The following KCNAB1 variants were observed in gnomAD, a reference collection of about 807,000 sequenced individuals.
KCNAB1 encodes potassium voltage-gated channel subfamily A regulatory beta subunit 1, also known as voltage-gated potassium channel subunit beta-1.
A neutral mutation model predicts 64.6 loss-of-function variants in KCNAB1; 35 were observed. The ratio of observed to expected loss-of-function variants is 0.54; its 90% confidence interval spans 0.41 to 0.72. The LOEUF (loss-of-function observed/expected upper bound fraction) is 0.72. KCNAB1 is among the 30% of genes least tolerant of loss of function. The pLI is 0.00. For missense variants in KCNAB1, 401 were observed against 512.9 expected (o/e 0.78, Z 2.11); for synonymous variants, 177 against 183.8 (o/e 0.96, Z 0.30).
At chr3:156,149,397 AG>A (rs947233536) in intron 1 of KCNAB1, among the ~76,000 whole-genome samples, 7 of 152,182 alleles carry the variant, frequency 4.6e-5, no homozygotes, top group African/African-American at 1.7e-4. Context: ...ATTGAAAAAA[AG>A]GGGAAGGAAA....
chr3:156,337,122 C>T (rs1723766525), intron 1 of KCNAB1, among the ~76,000 whole-genome samples: 1 of 152,212 alleles, frequency 6.6e-6, no homozygotes, highest in South Asian at 2.1e-4. Context: ...GATGTACAGA[C>T]ATTCAAATCA....
intron 11 of KCNAB1, among the ~76,000 whole-genome samples, chr3:156,521,563 T>C (rs1717941350): frequency 6.6e-6 from 1 of 152,186 alleles, no homozygotes; most frequent in African/African-American, 2.4e-5. Flanking sequence ...ATCATTGCAG[T>C]GCAGTGGGGT....
At chr3:156,150,481 A>G (rs1296954148) in intron 1 of KCNAB1, among the ~76,000 whole-genome samples, 2 of 152,170 alleles carry the variant, frequency 1.3e-5, no homozygotes, top group African/African-American at 2.4e-5. Flanking sequence ...GCTTGAGAAC[A>G]ATACTGGGTT....
intron 1 of KCNAB1, among the ~76,000 whole-genome samples, chr3:156,342,585 CTTTTTTTTTTTT>C (rs60982892): frequency 1.2e-5 from 1 of 86,254 alleles, no homozygotes; most frequent in Non-Finnish European, 2.5e-5. Flanking sequence ...CTATGTGTTT[CTTTTTTTTTTTT>C]TTTTTTTTTT....
chr3:156,534,299 A>G (rs543690893), intron 13 of KCNAB1, among the ~76,000 whole-genome samples: 1 of 152,280 alleles, frequency 6.6e-6, no homozygotes, highest in South Asian at 2.1e-4. Context: ...CGTGCCTAAG[A>G]TGTGCAGGAA....
chr3:156,347,855 G>A (rs371371206), intron 1 of KCNAB1, among the ~76,000 whole-genome samples: 27 of 152,302 alleles, frequency 1.8e-4, no homozygotes, highest in South Asian at 1.7e-3. Flanking sequence ...AATTCACACA[G>A]TATGGATCTG....
chr3:156,135,411 A>G (rs1714282773), intron 1 of KCNAB1, among the ~76,000 whole-genome samples: 1 of 152,198 alleles, frequency 6.6e-6, no homozygotes, highest in Admixed American at 6.5e-5. Flanking sequence ...GTCCTTGTCC[A>G]CTAAGCCCAT....
At chr3:156,456,314 A>G (rs1345788154) in intron 3 of KCNAB1, among the ~76,000 whole-genome samples, 2 of 152,228 alleles carry the variant, frequency 1.3e-5, no homozygotes, top group African/African-American at 4.8e-5. Context: ...ATATCCAATA[A>G]TATACCAGTA....
Position 156,374,629 on chromosome 3 carries a change from C to T in KCNAB1, c.276-46987C>T, listed in dbSNP as rs1038211327. ...GCCTTGGTGGTTGCATGGGTAGAAG[C>T]TTCACCTTTGCCCTTCCCACTAGCG... On this transcript the variant is annotated intron_variant, in intron 1 of 13. Transcript: ENST00000490337. 2.2e-5 allele frequency among the ~76,000 whole-genome samples: 3 copies of T among 135,348 alleles called. 1 individual carries two copies. The highest frequency in any genetic ancestry group is 1.0e-4 in the African/African-American group (3 of 30,150). The allele number at this position is 135,348 out of a possible 152,430, so 88.8% of individuals were successfully genotyped here.
At chr3:156,195,946 C>T (rs1252933811) in intron 1 of KCNAB1, among the ~76,000 whole-genome samples, 1 of 152,124 alleles carries the variant, frequency 6.6e-6, no homozygotes, top group Admixed American at 6.5e-5. Flanking sequence ...TTTAATCCAT[C>T]TGAAGTTAAT....
At chr3:156,131,597 A>T (rs1714000344) in intron 1 of KCNAB1, among the ~76,000 whole-genome samples, 1 of 152,188 alleles carries the variant, frequency 6.6e-6, no homozygotes, top group African/African-American at 2.4e-5. Flanking sequence ...CTGAAACCTT[A>T]ATACCTTGAA....
intron 8 of KCNAB1, among the ~76,000 whole-genome samples, chr3:156,499,669 A>G (rs1716249505): frequency 6.6e-6 from 1 of 152,180 alleles, no homozygotes; most frequent in African/African-American, 2.4e-5. Context: ...AGAGAAATTT[A>G]AAACTGGCTT....
chr3:156,201,517 C>A (rs886794671), intron 1 of KCNAB1, among the ~76,000 whole-genome samples: 1 of 152,202 alleles, frequency 6.6e-6, no homozygotes, highest in Admixed American at 6.5e-5. Flanking sequence ...GTAGCATAGT[C>A]AGGGTGAGTG....
intron 1 of KCNAB1, among the ~76,000 whole-genome samples, chr3:156,405,232 G>A (rs1181239783): frequency 6.6e-6 from 1 of 152,194 alleles, no homozygotes; most frequent in African/African-American, 2.4e-5. Flanking sequence ...GAGAAGTCAC[G>A]GTCCCATCTT....
chr3:156,121,870 T>C (rs1318638775), intron 1 of KCNAB1, among the ~76,000 whole-genome samples: 3 of 152,238 alleles, frequency 2.0e-5, no homozygotes, highest in Non-Finnish European at 4.4e-5. Context: ...TCTATATTTC[T>C]ATTTCCAAAA....
intron 1 of KCNAB1, among the ~76,000 whole-genome samples, chr3:156,185,973 CT>C: frequency 6.6e-6 from 1 of 152,176 alleles, no homozygotes; most frequent in Non-Finnish European, 1.5e-5. Flanking sequence ...CACTTCCTTC[CT>C]TTCCTTCCTT....
At chr3:156,373,577 A>G (rs1726469304) in intron 1 of KCNAB1, among the ~76,000 whole-genome samples, 4 of 152,262 alleles carry the variant, frequency 2.6e-5, no homozygotes, top group African/African-American at 9.6e-5. Flanking sequence ...TGTAAAATGT[A>G]AAATAGTTGT....
Position 156,508,613 on chromosome 3 carries a change from A to T in KCNAB1, c.659-5751A>T, listed in dbSNP as rs1327565880. On this transcript the variant is annotated intron_variant, in intron 8 of 13. Coordinates refer to ENST00000490337, the MANE Select transcript of KCNAB1 (RefSeq NM_172160.3). The surrounding 1 kb of genome is among the most constrained non-coding windows in gnomAD (Gnocchi z 4.1). Reference sequence around the variant, plus strand: ...AGAATCTGGGCCTATTTGAGAAGAAACCTGGGCCATTTTCAGTTTGTGTTA... The same window carrying T: ...AGAATCTGGGCCTATTTGAGAAGAATCCTGGGCCATTTTCAGTTTGTGTTA... Among the ~76,000 whole-genome samples the T allele has an allele frequency of 6.6e-6, 1 of 152,228 alleles. No homozygotes were observed. The highest frequency in any genetic ancestry group is 6.5e-5 in the Admixed American group (1 of 15,282).
chr3:156,210,183 C>T (rs1714926179), intron 1 of KCNAB1, among the ~76,000 whole-genome samples: 1 of 152,126 alleles, frequency 6.6e-6, no homozygotes, highest in South Asian at 2.1e-4. Context: ...GCATGGGCAG[C>T]TCGCTGACCA....
Sources: allele counts gnomAD v4.1 joint callset (sites outside exome capture counted in the v4.1 genomes callset), GRCh38; gene constraint gnomAD v4.1.1; non-coding constraint Gnocchi (gnomAD v3.1); transcripts MANE v1.5; gene names NCBI Gene and HGNC (gene_info 2026-07-23, HGNC 2026-07-21).